PTPRD: variants seen among roughly 807,000 people sequenced by gnomAD.
PTPRD encodes receptor-type tyrosine-protein phosphatase delta.
In PTPRD, 34 loss-of-function variants were observed where a neutral mutation model predicts 214.5. The observed-to-expected ratio is 0.16, with a 90% confidence interval of 0.12 to 0.21. The LOEUF is 0.21. PTPRD is among the 10% of genes least tolerant of loss of function. The pLI, the probability that PTPRD is intolerant of heterozygous loss-of-function variation, is 1.00. For missense variants in PTPRD, 2,545 were observed against 2,398.7 expected (o/e 1.06, Z -1.27); for synonymous variants, 1,128 against 845.7 (o/e 1.33, Z -5.79).
chr9:8,832,776 TTCTC>T (rs138693882), intron 11 of PTPRD, among the ~76,000 whole-genome samples: 4 of 149,806 alleles, frequency 2.7e-5, no homozygotes, highest in African/African-American at 7.3e-5. Flanking sequence ...TAAATTGGAG[TTCTC>T]TCTCTCTCTC....
At chr9:10,554,921 A>G (rs1327722451) in intron 2 of PTPRD, among the ~76,000 whole-genome samples, 1 of 152,174 alleles carries the variant, frequency 6.6e-6, no homozygotes, top group Admixed American at 6.5e-5. Flanking sequence ...GGGCCTCCCA[A>G]AGTGCTGGGA....
chr9:9,620,775 G>A lies in PTPRD; in HGVS notation c.-286-45994C>T, dbSNP rs574871438. Among the ~76,000 whole-genome samples the A allele has an allele frequency of 2.4e-4, 37 of 151,864 alleles. No homozygotes were observed. In the South Asian group the frequency reaches 7.3e-3, roughly 30 times the overall value. ...TCCTTAGAGTTTTTGAGATTCAAGT[G>A]ATGACATAGAACTTTATCGTCAGCT... On this transcript the variant is annotated intron_variant, in intron 7 of 45. Transcript: ENST00000381196.
chr9:8,934,452 T>TATATATATATAA (rs1567098393), intron 11 of PTPRD, among the ~76,000 whole-genome samples: 7 of 9,486 alleles, frequency 7.4e-4, no homozygotes, highest in African/African-American at 3.8e-3. Context: ...TATATAAATT[T>TATATATATATAA]ATATATATAT....
chr9:9,763,972 C>T (rs1192806058), intron 6 of PTPRD, among the ~76,000 whole-genome samples: 2 of 152,022 alleles, frequency 1.3e-5, no homozygotes, highest in African/African-American at 2.4e-5. Flanking sequence ...GAGGTGTCAA[C>T]CCCTCCAAGA....
chr9:9,421,897 C>A (rs1410810079), intron 8 of PTPRD, among the ~76,000 whole-genome samples: 1 of 151,466 alleles, frequency 6.6e-6, no homozygotes, highest in South Asian at 2.1e-4. Context: ...AAATGAAAGT[C>A]TGATCCAGAT....
intron 10 of PTPRD, among the ~76,000 whole-genome samples, chr9:9,124,909 C>G (rs570051097): frequency 6.6e-6 from 1 of 152,242 alleles, no homozygotes; most frequent in African/African-American, 2.4e-5. Context: ...ATAATCCAAA[C>G]AATGAAAATT....
chr9:10,432,187 C>CA lies in PTPRD; in HGVS notation c.-599-91171dup, dbSNP rs1178496553. On this transcript the variant is annotated intron_variant, in intron 2 of 45. Coordinates refer to ENST00000381196, the MANE Select transcript of PTPRD (RefSeq NM_002839.4). ...CATTCTCAGTAAACTATCGCAAGAACAAAAAACCAAACACCGCATATTCTC... is the reference window on the plus strand; with the variant it reads ...CATTCTCAGTAAACTATCGCAAGAACAAAAAAACCAAACACCGCATATTCTC... Among the ~76,000 whole-genome samples, 8 of 148,300 alleles carry CA rather than the reference C, an allele frequency of 5.4e-5. No homozygotes were observed. In the Admixed American group the frequency reaches 5.5e-4, roughly 10 times the overall value.
chr9:8,789,385 T>C (rs2096129564), intron 11 of PTPRD, among the ~76,000 whole-genome samples: 1 of 152,178 alleles, frequency 6.6e-6, no homozygotes, highest in East Asian at 1.9e-4. Flanking sequence ...ACATGATATG[T>C]AAAGCTCAGG....
chr9:9,655,115 G>C (rs1184814618), intron 7 of PTPRD, among the ~76,000 whole-genome samples: 1 of 151,714 alleles, frequency 6.6e-6, no homozygotes. Flanking sequence ...AATTAAATTG[G>C]TATCATAACA....
intron 12 of PTPRD, among the ~76,000 whole-genome samples, chr9:8,733,530 A>AT (rs1372013638): frequency 6.6e-6 from 1 of 152,024 alleles, no homozygotes; most frequent in Non-Finnish European, 1.5e-5. Context: ...GATAAGAGGT[A>AT]TAAAAAAATA....
chr9:10,171,930 A>G (rs1192696037), intron 3 of PTPRD, among the ~76,000 whole-genome samples: 1 of 152,172 alleles, frequency 6.6e-6, no homozygotes, highest in Non-Finnish European at 1.5e-5. Context: ...TCACTCTATT[A>G]TTTAGGTATG....
At chr9:9,306,638 G>A (rs1012992637) in intron 9 of PTPRD, among the ~76,000 whole-genome samples, 3 of 147,882 alleles carry the variant, frequency 2.0e-5, no homozygotes, top group Non-Finnish European at 4.5e-5. Context: ...ATATACTTGA[G>A]AAAATGAAGG....
intron 34 of PTPRD, among the ~76,000 whole-genome samples, chr9:8,443,544 A>G (rs1197849113): frequency 6.6e-6 from 1 of 152,168 alleles, no homozygotes; most frequent in Non-Finnish European, 1.5e-5. Context: ...TGTATGCTTT[A>G]GGGCAAAACA....
At chr9:10,313,418 A>ACACACACACACACACACACACACT (rs1565224183) in intron 3 of PTPRD, among the ~76,000 whole-genome samples, 2 of 151,536 alleles carry the variant, frequency 1.3e-5, no homozygotes, top group African/African-American at 4.9e-5. Flanking sequence ...ACACACACAC[A>ACACACACACACACACACACACACT]AATTTTTAAA....
intron 10 of PTPRD, among the ~76,000 whole-genome samples, chr9:9,019,355 A>G (rs1232316319): frequency 3.4e-5 from 5 of 147,846 alleles, no homozygotes; most frequent in Non-Finnish European, 7.5e-5. Flanking sequence ...AAAGAAAGAA[A>G]GAAAGAATCT....
At chr9:10,214,308 C>T (rs1216555219) in intron 3 of PTPRD, among the ~76,000 whole-genome samples, 3 of 152,014 alleles carry the variant, frequency 2.0e-5, no homozygotes, top group Non-Finnish European at 4.4e-5. Context: ...CAGACTTTCA[C>T]TCTTGTCGCC....
chr9:9,839,268 G>T (rs1420177589), intron 5 of PTPRD, among the ~76,000 whole-genome samples: 2 of 152,088 alleles, frequency 1.3e-5, no homozygotes, highest in East Asian at 3.9e-4. Flanking sequence ...AATTGTCCCT[G>T]TTTGCAGATG....
At chr9:9,813,023 A>G (rs2047630812) in intron 5 of PTPRD, among the ~76,000 whole-genome samples, 1 of 152,136 alleles carries the variant, frequency 6.6e-6, no homozygotes, top group African/African-American at 2.4e-5. Context: ...AAATTCACAA[A>G]TATGTGGAAA....
intron 10 of PTPRD, among the ~76,000 whole-genome samples, chr9:9,059,567 G>C (rs2099703431): frequency 6.6e-6 from 1 of 152,142 alleles, no homozygotes; most frequent in Non-Finnish European, 1.5e-5. Flanking sequence ...AACTCATCCA[G>C]TGCTGCTGAA....
Sources: allele counts gnomAD v4.1 joint callset (sites outside exome capture counted in the v4.1 genomes callset), GRCh38; gene constraint gnomAD v4.1.1; transcripts MANE v1.5; gene names NCBI Gene and HGNC (gene_info 2026-07-23, HGNC 2026-07-21).